FAP: variants seen among roughly 807,000 people sequenced by gnomAD.
The protein encoded by FAP is fibroblast activation protein alpha.
FAP carries 110 observed loss-of-function variants against 126.5 expected under a neutral mutation model. The ratio of observed to expected loss-of-function variants is 0.87; its 90% CI spans 0.74 to 1.02. The LOEUF is 1.02. FAP is among the 50% of genes least tolerant of loss of function. The pLI, the probability that FAP is intolerant of heterozygous loss-of-function variation, is 0.00. For missense variants in FAP, 919 were observed against 909.2 expected (o/e 1.01, Z -0.14); for synonymous variants, 334 against 297.3 (o/e 1.12, Z -1.27).
chr2:162,196,516 ATC>A (rs901928459), intron 16 of FAP, among the ~76,000 whole-genome samples: 8 of 148,792 alleles, frequency 5.4e-5, no homozygotes, highest in African/African-American at 1.7e-4. Flanking sequence ...AAACTTGCAT[ATC>A]TTTTTTTTTT....
chr2:162,241,308 G>T (rs996889017), intron 2 of FAP, among the ~76,000 whole-genome samples: 1 of 152,046 alleles, frequency 6.6e-6, no homozygotes, highest in Non-Finnish European at 1.5e-5. Flanking sequence ...TATAGTTTAC[G>T]ACGTATATTT....
At chr2:162,218,404 G>A (rs1022774017) in intron 8 of FAP, among the ~76,000 whole-genome samples, 9 of 151,874 alleles carry the variant, frequency 5.9e-5, no homozygotes, top group African/African-American at 1.9e-4. Context: ...TAAACATGTT[G>A]GCACTAATTA....
Position 162,213,824 on chromosome 2 carries a change from G to A in FAP, c.1002+114C>T, listed in dbSNP as rs1689057385. 6 of 990,770 alleles carry A rather than the reference G, an allele frequency of 6.1e-6. No homozygotes were observed. In the South Asian group the frequency reaches 1.4e-4, roughly 22 times the overall value. 61.4% of individuals were successfully genotyped at this position (990,770 alleles called of 1,614,324 possible). ...TGAGTGTGTTTTTGCAAAGCAGTTG[G>A]CAGTTGAATGCAGTAATCCTGGCTT... On this transcript the variant is annotated intron_variant, in intron 11 of 25. Coordinates refer to ENST00000188790, the MANE Select transcript of FAP (RefSeq NM_004460.5).
intron 8 of FAP, among the ~76,000 whole-genome samples, chr2:162,218,754 A>T (rs12473366): frequency 0.037 from 5,556 of 152,014 alleles, 476 homozygotes; most frequent in Admixed American, 0.21. Context: ...AAAAAAAAAA[A>T]TTTCTAAAGA....
intron 21 of FAP, among the ~76,000 whole-genome samples, chr2:162,178,048 G>A (rs1687547200): frequency 6.6e-6 from 1 of 152,016 alleles, no homozygotes. Flanking sequence ...CTATACTTAG[G>A]GCAACCTCTT....
chr2:162,239,233 C>T (rs745979329), intron 2 of FAP, among the ~76,000 whole-genome samples: 29 of 151,888 alleles, frequency 1.9e-4, no homozygotes, highest in African/African-American at 6.5e-4. Flanking sequence ...GAAAGGGTTT[C>T]GCCATGTTGC....
intron 15 of FAP, 35 bp downstream of exon 15, chr2:162,200,531 A>T (rs1559774043): frequency 3.4e-6 from 4 of 1,193,330 alleles, no homozygotes; most frequent in Non-Finnish European, 4.9e-6. Context: ...AAATATCAAC[A>T]CATAGAAATA....
At chr2:162,198,956 G>A (rs1458221992) in intron 15 of FAP, 75 bp from the exon 16 acceptor site, 1 of 1,298,324 alleles carries the variant, frequency 7.7e-7, no homozygotes, top group Non-Finnish European at 1.1e-6. Context: ...TCCATGTAAA[G>A]TGACTAATTT....
At chr2:162,222,497 T>G (rs1044393359) in intron 6 of FAP, among the ~76,000 whole-genome samples, 14 of 152,220 alleles carry the variant, frequency 9.2e-5, no homozygotes, top group African/African-American at 3.4e-4. Flanking sequence ...GATAGATAAT[T>G]TTTTAAAAAA....
intron 12 of FAP, 60 bp from the exon 13 acceptor site, chr2:162,203,205 T>A: frequency 8.7e-7 from 1 of 1,147,322 alleles, no homozygotes; most frequent in Non-Finnish European, 1.3e-6. Flanking sequence ...CCATAGATTT[T>A]GTTTTAATAT....
In FAP at chr2:162,219,833, T is replaced by C; in HGVS notation, c.486+20A>G. The C allele has an allele frequency of 7.1e-6, 11 of 1,558,742 alleles. No individual in the cohort carries two copies. The highest frequency in any genetic ancestry group is 9.7e-6 in the Non-Finnish European group (11 of 1,132,138). On this transcript the variant is annotated intron_variant, in intron 7 of 25. Coordinates refer to ENST00000188790, the MANE Select transcript of FAP (RefSeq NM_004460.5). ...TCTTTTATTTACATGATTAAACACT[T>C]CAAAAATTTAAACACTTACTAATTT...
At chr2:162,180,114 A>G (rs1195163132) in intron 21 of FAP, among the ~76,000 whole-genome samples, 1 of 152,034 alleles carries the variant, frequency 6.6e-6, no homozygotes, top group Non-Finnish European at 1.5e-5. Flanking sequence ...GCCATAATTT[A>G]AATTACTTAA....
chr2:162,184,165 A>T (rs1687785879), intron 20 of FAP, among the ~76,000 whole-genome samples: 1 of 152,124 alleles, frequency 6.6e-6, no homozygotes, highest in Non-Finnish European at 1.5e-5. Context: ...TGTTACCCTG[A>T]GGGCTGGTGT....
intron 20 of FAP, among the ~76,000 whole-genome samples, chr2:162,185,509 C>T (rs1008781617): frequency 8.5e-5 from 13 of 152,204 alleles, no homozygotes; most frequent in East Asian, 1.9e-4. Context: ...CTAAAGAAAG[C>T]GGGTTCCAGT....
At chr2:162,197,480 A>G in intron 16 of FAP, 1 of 447,488 alleles carries the variant, frequency 2.2e-6, no homozygotes, top group South Asian at 1.6e-5. Context: ...AGTAACCACA[A>G]TCAGCACATA....
Position 162,223,169 on chromosome 2 carries a change from T to C in FAP, c.413+439A>G, listed in dbSNP as rs572164292. On this transcript the variant is annotated intron_variant, in intron 6 of 25. Transcript: ENST00000188790. ...TGTTAACATTTTGTCATTTTTATAA[T>C]AATTAATTTTAAAACAGTTAATGGA... is the stretch of plus-strand genomic sequence containing the variant. 1.3e-3 allele frequency among the ~76,000 whole-genome samples: 197 copies of C among 152,306 alleles called. 2 individuals carry two copies. The highest frequency in any genetic ancestry group is 4.7e-3 in the African/African-American group (194 of 41,564).
intron 21 of FAP, among the ~76,000 whole-genome samples, chr2:162,179,222 C>T (rs1046483037): frequency 4.8e-5 from 7 of 146,654 alleles, no homozygotes; most frequent in Non-Finnish European, 1.0e-4. Flanking sequence ...TTTGGTAATA[C>T]TGTGTTAAAC....
At chr2:162,207,780 T>A (rs995689499) in intron 12 of FAP, among the ~76,000 whole-genome samples, 2 of 151,300 alleles carry the variant, frequency 1.3e-5, no homozygotes, top group African/African-American at 4.9e-5. Flanking sequence ...GCGCGATCTC[T>A]GCTCACTGCA....
At chr2:162,199,334 A>C (rs1010382796) in intron 15 of FAP, among the ~76,000 whole-genome samples, 1 of 152,192 alleles carries the variant, frequency 6.6e-6, no homozygotes, top group Non-Finnish European at 1.5e-5. Context: ...GAAATTAATA[A>C]TAAGCAAATT....
Sources: allele counts gnomAD v4.1 joint callset (sites outside exome capture counted in the v4.1 genomes callset), GRCh38; gene constraint gnomAD v4.1.1; transcripts MANE v1.5; gene names NCBI Gene and HGNC (gene_info 2026-07-23, HGNC 2026-07-21).